The following MAGI1 variants were observed in gnomAD, a reference collection of about 807,000 sequenced individuals.
MAGI1 encodes membrane associated guanylate kinase, WW and PDZ domain containing 1, also known as membrane-associated guanylate kinase, WW and PDZ domain-containing protein 1.
A neutral mutation model predicts 139.9 loss-of-function variants in MAGI1; 58 were observed. The observed-to-expected ratio is 0.41, with a 90% CI of 0.34 to 0.52. The LOEUF (loss-of-function observed/expected upper bound fraction) is 0.52. MAGI1 is among the 20% of genes least tolerant of loss of function. The probability of loss-of-function intolerance (pLI) is 0.12; values close to 1 mark genes in which losing one functional copy is unlikely to be tolerated. For missense variants in MAGI1, 1,874 were observed against 1,901.6 expected, an observed-to-expected ratio of 0.99 and a Z score of 0.27; for synonymous variants, 812 against 737.9, an observed-to-expected ratio of 1.10 and a Z score of -1.63.
At chr3:65,430,965 A>C in intron 10 of MAGI1, 84 bp from the exon 11 acceptor site, 1 of 1,320,206 alleles carries the variant, frequency 7.6e-7, no homozygotes, top group Non-Finnish European at 1.1e-6. Flanking sequence ...CATATAGATA[A>C]TTCTTCACGC....
chr3:65,941,011 GA>G lies in MAGI1; in HGVS notation c.313+96984del, dbSNP rs1387066041. 5.3e-5 allele frequency among the ~76,000 whole-genome samples: 8 copies of G among 152,144 alleles called. No individual in the cohort carries two copies. In the East Asian group the frequency reaches 1.5e-3, roughly 29 times the overall value. On this transcript the variant is annotated intron_variant, in intron 1 of 22. Coordinates refer to ENST00000402939, the MANE Select transcript of MAGI1 (RefSeq NM_001033057.2). ...TAATTTCACATGAAACAGTATTCAAGAAAAAAACTATAAATGGAACCAAGGT... is the reference window on the plus strand; with the variant it reads ...TAATTTCACATGAAACAGTATTCAAGAAAAAACTATAAATGGAACCAAGGT...
rs548997579 is a variant in MAGI1, at chr3:65,731,676, AAAAAG to A, written c.314-109593_314-109589del. 5.5e-3 allele frequency among the ~76,000 whole-genome samples: 834 copies of A among 151,672 alleles called. 12 individuals are homozygous for A. Among genetic ancestry groups the A allele is most frequent in the African/African-American group, 0.019 (796 of 41,344 alleles). On this transcript the variant is annotated intron_variant, in intron 1 of 22. Coordinates refer to ENST00000402939, the MANE Select transcript of MAGI1 (RefSeq NM_001033057.2). ...TCTCAAAAAATTTAAAAAAAAAAAA[AAAAAG>A]AAAGAAAGAAATTTACATTATCATG...
chr3:65,665,066 G>A (rs187667099), intron 1 of MAGI1, among the ~76,000 whole-genome samples: 1 of 152,258 alleles, frequency 6.6e-6, no homozygotes, highest in Admixed American at 6.5e-5. Flanking sequence ...AGGCAGAAGA[G>A]CCTTTGAGTA....
At chr3:65,942,069 G>A (rs1299666586) in intron 1 of MAGI1, among the ~76,000 whole-genome samples, 1 of 152,204 alleles carries the variant, frequency 6.6e-6, no homozygotes, top group African/African-American at 2.4e-5. Context: ...TTATAGGCGT[G>A]AGCCACCATA....
chr3:65,832,498 C>CA (rs998843619), intron 1 of MAGI1, among the ~76,000 whole-genome samples: 3 of 152,072 alleles, frequency 2.0e-5, no homozygotes, highest in Admixed American at 2.0e-4. Context: ...CATGGTCTTC[C>CA]ATGCCTATCT....
intron 1 of MAGI1, chr3:65,720,137 G>T: frequency 6.6e-6 from 1 of 152,224 alleles, no homozygotes; most frequent in African/African-American, 2.4e-5. Context: ...AGTATCTACA[G>T]TAGTGCCAGG....
intron 1 of MAGI1, among the ~76,000 whole-genome samples, chr3:65,843,405 G>A (rs1446205237): frequency 6.6e-6 from 1 of 152,188 alleles, no homozygotes; most frequent in Non-Finnish European, 1.5e-5. Context: ...GAAACCTGAA[G>A]CTCAGGATCC....
intron 5 of MAGI1, 40 bp from the exon 6 acceptor site, chr3:65,453,380 A>G (rs1453399024): frequency 6.9e-7 from 1 of 1,454,940 alleles, no homozygotes; most frequent in Non-Finnish European, 9.5e-7. Context: ...TGTTTGAAAA[A>G]AAAAAAAAAA....
chr3:65,592,748 G>A lies in MAGI1; in HGVS notation c.430+29224C>T, dbSNP rs867862219. 2.6e-5 allele frequency among the ~76,000 whole-genome samples: 4 copies of A among 152,172 alleles called. No homozygotes were observed. In the South Asian group the frequency reaches 6.2e-4, roughly 24 times the overall value. On this transcript the variant is annotated intron_variant, in intron 2 of 22. Transcript: ENST00000402939. ...GAGGGCTAGTGTGTAATTTTATGCT[G>A]CATTTTTCCATTGTGCTTGACTTTT...
chr3:65,736,986 T>C (rs1455810624), intron 1 of MAGI1, among the ~76,000 whole-genome samples: 5 of 151,722 alleles, frequency 3.3e-5, no homozygotes, highest in Non-Finnish European at 7.4e-5. Flanking sequence ...GTTAATACTG[T>C]CACACTTGCA....
intron 1 of MAGI1, among the ~76,000 whole-genome samples, chr3:65,999,474 A>T (rs2066626405): frequency 6.6e-6 from 1 of 152,072 alleles, no homozygotes; most frequent in Non-Finnish European, 1.5e-5. Flanking sequence ...TTTACCCCTC[A>T]AGTGTGAGGG....
intron 1 of MAGI1, among the ~76,000 whole-genome samples, chr3:65,846,328 A>G (rs1407335566): frequency 6.6e-6 from 1 of 152,236 alleles, no homozygotes; most frequent in Non-Finnish European, 1.5e-5. Context: ...TCAAGTGAAT[A>G]GCAGCTGGAA....
At chr3:65,926,327 TTCTCTCTCTCTCTCTC>T (rs377665681) in intron 1 of MAGI1, among the ~76,000 whole-genome samples, 7 of 115,592 alleles carry the variant, frequency 6.1e-5, no homozygotes, top group African/African-American at 2.1e-4. Flanking sequence ...AAGTCTTCTT[TTCTCTCTCTCTCTCTC>T]TCTCTCTCTC....
intron 2 of MAGI1, among the ~76,000 whole-genome samples, chr3:65,526,734 CCTGA>C (rs1304596704): frequency 2.0e-5 from 3 of 152,170 alleles, no homozygotes; most frequent in Non-Finnish European, 2.9e-5. Context: ...CTTTTACAGG[CCTGA>C]CTCTTTCAGT....
intron 1 of MAGI1, among the ~76,000 whole-genome samples, chr3:65,965,658 C>G (rs1045644142): frequency 6.6e-6 from 1 of 151,790 alleles, no homozygotes; most frequent in African/African-American, 2.4e-5. Flanking sequence ...TCTGTTTCAC[C>G]CTTTTTTTTT....
At chr3:65,473,070 T>TG (rs1196515671) in intron 4 of MAGI1, among the ~76,000 whole-genome samples, 1 of 152,048 alleles carries the variant, frequency 6.6e-6, no homozygotes, top group Non-Finnish European at 1.5e-5. Context: ...CACGGGGTTG[T>TG]GGGGAGGATT....
chr3:65,662,331 G>A (rs1383370217), intron 1 of MAGI1, among the ~76,000 whole-genome samples: 5 of 152,192 alleles, frequency 3.3e-5, no homozygotes, highest in Admixed American at 2.0e-4. Context: ...CTAAATTAGG[G>A]AGCAGCAAAC....
intron 12 of MAGI1, among the ~76,000 whole-genome samples, chr3:65,428,122 A>C (rs1193139351): frequency 6.6e-6 from 1 of 152,204 alleles, no homozygotes; most frequent in Non-Finnish European, 1.5e-5. Context: ...CGCAGAACAC[A>C]CAGGTTCATG....
chr3:65,869,809 C>T (rs1459638173), intron 1 of MAGI1, among the ~76,000 whole-genome samples: 1 of 152,118 alleles, frequency 6.6e-6, no homozygotes, highest in African/African-American at 2.4e-5. Context: ...GGATCCTGGC[C>T]GCTTGGTGTC....
Sources: gnomAD v4.1 joint callset for allele counts (sites outside exome capture counted in the v4.1 genomes callset) on GRCh38, gnomAD v4.1.1 for gene constraint, MANE v1.5 for transcripts, NCBI Gene and HGNC (gene_info 2026-07-23, HGNC 2026-07-21) for gene names.